The following MCC variants were observed in gnomAD, a reference collection of about 807,000 sequenced individuals.
MCC encodes colorectal mutant cancer protein.
A neutral mutation model predicts 116.2 loss-of-function variants in MCC; 90 were observed. The observed-to-expected ratio is 0.77, with a 90% CI of 0.65 to 0.92. The LOEUF (loss-of-function observed/expected upper bound fraction) is 0.92. MCC is among the 40% of genes least tolerant of loss of function. The pLI is 0.00. For synonymous variants in MCC, 578 were observed against 510.5 expected (o/e 1.13, Z -1.78); for missense variants, 1,516 against 1,312.2 (o/e 1.16, Z -2.40).
chr5:113,104,601 A>G (rs1756626677), intron 6 of MCC: 2 of 359,610 alleles, frequency 5.6e-6, no homozygotes, highest in Non-Finnish European at 1.0e-5. Context: ...CAAAGCAGCC[A>G]CATCTTGAGT....
At chr5:113,289,159 T>A (rs1199490726) in intron 3 of MCC, among the ~76,000 whole-genome samples, 1 of 151,876 alleles carries the variant, frequency 6.6e-6, no homozygotes, top group African/African-American at 2.4e-5. Flanking sequence ...GGTGAAACTC[T>A]GTCTCTACTA....
At chr5:113,483,520 G>C (rs772067171) in intron 1 of MCC, among the ~76,000 whole-genome samples, 25 of 151,986 alleles carry the variant, frequency 1.6e-4, no homozygotes, top group Non-Finnish European at 1.3e-4. Flanking sequence ...AGATCATTTT[G>C]ATCTTATTTT....
In MCC at chr5:113,022,992, A is replaced by C. The variant is rs1750255977; in HGVS notation, c.*4310T>G. Reference sequence around the variant, plus strand: ...TCTGCATGTGAAACTGTCTTTCTCTACACAGGTATTAGCAAAACAAGAATA... The same window carrying C: ...TCTGCATGTGAAACTGTCTTTCTCTCCACAGGTATTAGCAAAACAAGAATA... On this transcript the variant is annotated 3_prime_UTR_variant, in exon 19 of 19. Coordinates refer to ENST00000408903, the MANE Select transcript of MCC (RefSeq NM_001085377.2). The C allele has an allele frequency of 6.6e-6, 1 of 152,248 alleles. No individual in the cohort carries two copies. The highest frequency in any genetic ancestry group is 6.5e-5 in the Admixed American group (1 of 15,286). The allele number at this position is 152,248 out of a possible 1,614,324, so 9.4% of individuals were successfully genotyped here.
At chr5:113,237,443 A>C (rs1764173817) in intron 3 of MCC, among the ~76,000 whole-genome samples, 1 of 152,202 alleles carries the variant, frequency 6.6e-6, no homozygotes, top group African/African-American at 2.4e-5. Context: ...CTACCCATTT[A>C]ATGTTCAAAA....
intron 1 of MCC, among the ~76,000 whole-genome samples, chr5:113,468,782 G>A (rs975268915): frequency 1.3e-5 from 2 of 152,166 alleles, no homozygotes; most frequent in Non-Finnish European, 2.9e-5. Context: ...TGTACCTCTG[G>A]TAGAATTCGG....
chr5:113,333,846 T>TATATGTACATATATGTACATATGTAC (rs1767794762), intron 3 of MCC, among the ~76,000 whole-genome samples: 1 of 62,640 alleles, frequency 1.6e-5, no homozygotes, highest in African/African-American at 6.9e-5. Flanking sequence ...TATATATGTA[T>TATATGTACATATATGTACATATGTAC]ATATGTACAT....
chr5:113,415,243 T>C (rs1326890565), intron 1 of MCC, among the ~76,000 whole-genome samples: 1 of 152,182 alleles, frequency 6.6e-6, no homozygotes, highest in South Asian at 2.1e-4. Flanking sequence ...CAATTATGTG[T>C]CTTGGGGTTG....
chr5:113,297,881 T>C (rs771258362), intron 3 of MCC, among the ~76,000 whole-genome samples: 2 of 151,406 alleles, frequency 1.3e-5, no homozygotes, highest in Non-Finnish European at 1.5e-5. Context: ...ACTTGGCTGA[T>C]TGGGGTTAAG....
intron 8 of MCC, among the ~76,000 whole-genome samples, chr5:113,095,228 T>G (rs1296328369): frequency 1.3e-5 from 2 of 152,016 alleles, no homozygotes; most frequent in Non-Finnish European, 2.9e-5. Context: ...AGGACAAGGG[T>G]GGACAGAAGG....
intron 8 of MCC, 28 bp from the exon 9 acceptor site, chr5:113,085,338 TTGG>T: frequency 2.5e-6 from 4 of 1,580,460 alleles, no homozygotes; most frequent in Non-Finnish European, 3.5e-6. Flanking sequence ...TTAGACATAG[TTGG>T]TGGTTTCCCT....
intron 5 of MCC, among the ~76,000 whole-genome samples, chr5:113,131,498 A>G (rs1319184136): frequency 6.6e-6 from 1 of 152,260 alleles, no homozygotes; most frequent in African/African-American, 2.4e-5. Flanking sequence ...GATAGGATTT[A>G]GGATACATTA....
chr5:113,064,388 C>T (rs918237069), intron 13 of MCC, among the ~76,000 whole-genome samples: 4 of 152,372 alleles, frequency 2.6e-5, no homozygotes, highest in African/African-American at 4.8e-5. Flanking sequence ...CTGGGCTCCA[C>T]TGGCCTCAGG....
intron 1 of MCC, among the ~76,000 whole-genome samples, chr5:113,465,739 T>C (rs1771884403): frequency 6.6e-6 from 1 of 152,074 alleles, no homozygotes; most frequent in African/African-American, 2.4e-5. Flanking sequence ...AGATAGTCAA[T>C]AAATAAATGA....
intron 1 of MCC, among the ~76,000 whole-genome samples, chr5:113,453,582 C>T (rs1771459763): frequency 6.6e-6 from 1 of 152,180 alleles, no homozygotes; most frequent in Non-Finnish European, 1.5e-5. Flanking sequence ...AGGTATTTCA[C>T]TGCTCTGTGA....
intron 3 of MCC, among the ~76,000 whole-genome samples, chr5:113,214,959 T>C (rs1421369274): frequency 1.3e-5 from 2 of 152,086 alleles, no homozygotes; most frequent in Non-Finnish European, 2.9e-5. Context: ...AACCTCCAAA[T>C]CCCCATGCTC....
chr5:113,162,072 G>C (rs940710240), intron 3 of MCC, among the ~76,000 whole-genome samples: 1 of 152,042 alleles, frequency 6.6e-6, no homozygotes, highest in Non-Finnish European at 1.5e-5. Context: ...TCTCTGATGG[G>C]GCCCTGCTGA....
intron 1 of MCC, among the ~76,000 whole-genome samples, chr5:113,487,699 C>G (rs1334384508): frequency 6.6e-6 from 1 of 152,228 alleles, no homozygotes; most frequent in Non-Finnish European, 1.5e-5. Context: ...GGGTGGCAAA[C>G]GATACCCATT....
chr5:113,184,713 A>T (rs988177273), intron 3 of MCC, among the ~76,000 whole-genome samples: 11 of 152,154 alleles, frequency 7.2e-5, no homozygotes, highest in African/African-American at 2.7e-4. Context: ...AGAGATGGAC[A>T]GGTATAAGTA....
intron 6 of MCC, among the ~76,000 whole-genome samples, chr5:113,116,458 C>G (rs954943568): frequency 3.3e-5 from 5 of 152,072 alleles, no homozygotes; most frequent in Non-Finnish European, 7.4e-5. Flanking sequence ...TTTCAAATAA[C>G]CAAAACCAAA....
Sources: allele counts gnomAD v4.1 joint callset (sites outside exome capture counted in the v4.1 genomes callset), GRCh38; gene constraint gnomAD v4.1.1; transcripts MANE v1.5; gene names NCBI Gene and HGNC (gene_info 2026-07-23, HGNC 2026-07-21).